Variants in ATP8B4 observed in about 807,000 individuals in gnomAD.
ATP8B4 encodes the protein probable phospholipid-transporting ATPase IM.
Under a neutral mutation model 145.6 loss-of-function variants are expected in ATP8B4, and 133 were observed. The ratio of observed to expected loss-of-function variants is 0.91; its 90% confidence interval spans 0.79 to 1.05. ATP8B4 has a LOEUF of 1.05. Among genes scored for constraint, ATP8B4 ranks in the 50% least tolerant of loss-of-function variants. The probability of loss-of-function intolerance (pLI) is 0.00; values close to 1 mark genes in which losing one functional copy is unlikely to be tolerated. For synonymous variants in ATP8B4, 507 were observed against 492.9 expected (o/e 1.03, Z -0.38); for missense variants, 1,458 against 1,425.2 (o/e 1.02, Z -0.37).
At chr15:49,996,282 G>A (rs1246228089) in intron 9 of ATP8B4, among the ~76,000 whole-genome samples, 1 of 152,072 alleles carries the variant, frequency 6.6e-6, no homozygotes, top group African/African-American at 2.4e-5. Flanking sequence ...GAAGTTTGAG[G>A]TCTCCTAGTT....
At chr15:50,109,699 T>C (rs1475321344) in intron 1 of ATP8B4, among the ~76,000 whole-genome samples, 1 of 151,964 alleles carries the variant, frequency 6.6e-6, no homozygotes. Flanking sequence ...AGAAGACATT[T>C]ATCTCTCAGA....
chr15:49,871,012 C>CT (rs1449119447), intron 25 of ATP8B4, among the ~76,000 whole-genome samples: 7 of 152,236 alleles, frequency 4.6e-5, no homozygotes, highest in Non-Finnish European at 8.8e-5. Context: ...CCTGTACTTA[C>CT]TATGTGACTG....
chr15:49,927,366 C>A (rs2040820919), intron 16 of ATP8B4, among the ~76,000 whole-genome samples: 1 of 152,008 alleles, frequency 6.6e-6, no homozygotes, highest in Non-Finnish European at 1.5e-5. Context: ...GAAGCAATGC[C>A]TGAGCCTTTG....
At chr15:50,079,863 T>C (rs1187466966) in intron 2 of ATP8B4, among the ~76,000 whole-genome samples, 1 of 152,218 alleles carries the variant, frequency 6.6e-6, no homozygotes, top group African/African-American at 2.4e-5. Flanking sequence ...TCCTGGAACA[T>C]ACCTGGAATG....
chr15:49,920,283 A>G lies in ATP8B4; in HGVS notation c.1886T>C (p.Ile629Thr). The G allele has an allele frequency of 1.9e-6, 3 of 1,614,222 alleles. No individual in the cohort carries two copies. The highest frequency in any genetic ancestry group is 8.5e-7 in the Non-Finnish European group (1 of 1,180,034). The part of the protein sequence containing the change: ...NAATEERDER[I>T]AGLYEEIERD... Reference sequence around the variant, plus strand: ...TTCAATTTCTTCATATAGCCCAGCTATTCGTTCATCCCTCTCTTCTGTGGC... The same window carrying G: ...TTCAATTTCTTCATATAGCCCAGCTGTTCGTTCATCCCTCTCTTCTGTGGC... Residue 629 changes from isoleucine to threonine, a missense_variant, in exon 18 of 28, where the codon ATA (isoleucine) becomes ACA (threonine). By Grantham distance (89) the Ile-to-Thr change is moderately conservative. Coordinates refer to ENST00000284509, the MANE Select transcript of ATP8B4 (RefSeq NM_024837.4).
At chr15:50,004,028 T>C (rs2048116080) in intron 7 of ATP8B4, among the ~76,000 whole-genome samples, 1 of 152,166 alleles carries the variant, frequency 6.6e-6, no homozygotes, top group Admixed American at 6.5e-5. Flanking sequence ...GACGCCTACC[T>C]TCCCCACCTC....
chr15:49,885,510 A>T (rs1358025630), intron 23 of ATP8B4, among the ~76,000 whole-genome samples: 1 of 152,188 alleles, frequency 6.6e-6, no homozygotes, highest in African/African-American at 2.4e-5. Flanking sequence ...ATTGGTAGAT[A>T]CTCTACAAAT....
chr15:49,985,039 T>A (rs1356765458), intron 10 of ATP8B4, among the ~76,000 whole-genome samples: 1 of 152,182 alleles, frequency 6.6e-6, no homozygotes, highest in Admixed American at 6.5e-5. Flanking sequence ...ATTGCACAAT[T>A]CCTAGTGGTA....
rs114910190 is a variant in ATP8B4 at position 49,992,581 on chromosome 15, G to A, written c.589+4096C>T. On this transcript the variant is annotated intron_variant, in intron 9 of 27. Transcript: ENST00000284509. ...ACCCATCTCAGTTCTGACCCTATGT[G>A]TCCGAAACCTGGAGTCCCCAGTGGG... is the stretch of plus-strand genomic sequence containing the variant. Among the ~76,000 whole-genome samples the A allele has an allele frequency of 4.4e-3, 663 of 152,278 alleles. 9 individuals carry two copies. Among genetic ancestry groups the A allele is most frequent in the African/African-American group, 0.015 (621 of 41,572 alleles).
intron 14 of ATP8B4, among the ~76,000 whole-genome samples, chr15:49,937,408 G>A (rs1010929075): frequency 2.6e-5 from 4 of 152,090 alleles, no homozygotes; most frequent in Non-Finnish European, 5.9e-5. Context: ...TTTTTGCAGG[G>A]AGGAATTCAA....
chr15:50,136,700 G>C (rs1360620709), intron 1 of ATP8B4, among the ~76,000 whole-genome samples: 1 of 152,174 alleles, frequency 6.6e-6, no homozygotes, highest in African/African-American at 2.4e-5. Context: ...TGTGTCTTAA[G>C]AGGCCACACT....
At chr15:50,060,689 T>C (rs542589422) in intron 3 of ATP8B4, among the ~76,000 whole-genome samples, 150 of 152,266 alleles carry the variant, frequency 9.9e-4, no homozygotes, top group African/African-American at 3.6e-3. Flanking sequence ...CACTACTAAC[T>C]AAAATAAGAG....
chr15:50,061,794 C>T (rs868566739), intron 3 of ATP8B4, among the ~76,000 whole-genome samples: 26 of 152,130 alleles, frequency 1.7e-4, no homozygotes, highest in African/African-American at 5.8e-4. Context: ...GTCATTTTTA[C>T]ACTACATAAA....
intron 2 of ATP8B4, among the ~76,000 whole-genome samples, chr15:50,085,928 CATAT>C (rs1335833204): frequency 0.013 from 660 of 50,198 alleles, 19 homozygotes; most frequent in Non-Finnish European, 0.02. Context: ...TGATATATAT[CATAT>C]ATATTTATAT....
chr15:50,157,209 T>C (rs2044432810), intron 1 of ATP8B4, among the ~76,000 whole-genome samples: 1 of 152,176 alleles, frequency 6.6e-6, no homozygotes, highest in African/African-American at 2.4e-5. Flanking sequence ...ATAGAAAGTT[T>C]TTTTTACCAT....
intron 1 of ATP8B4, among the ~76,000 whole-genome samples, chr15:50,137,878 T>G (rs2044144631): frequency 6.6e-6 from 1 of 152,208 alleles, no homozygotes; most frequent in South Asian, 2.1e-4. Flanking sequence ...ACTTTAAGGA[T>G]GTTTTCACTG....
intron 24 of ATP8B4, among the ~76,000 whole-genome samples, chr15:49,878,800 T>A (rs1448083621): frequency 6.6e-6 from 1 of 152,226 alleles, no homozygotes; most frequent in Admixed American, 6.5e-5. Context: ...ACTGGCAGAC[T>A]GCTCTACTGG....
intron 6 of ATP8B4, among the ~76,000 whole-genome samples, chr15:50,036,647 G>A (rs566178887): frequency 1.4e-4 from 22 of 152,290 alleles, no homozygotes; most frequent in African/African-American, 4.3e-4. Flanking sequence ...GGACAAGCCC[G>A]TCTTGTAGGT....
chr15:50,133,991 TA>T (rs2044086489), intron 1 of ATP8B4, among the ~76,000 whole-genome samples: 1 of 151,928 alleles, frequency 6.6e-6, no homozygotes. Context: ...AAATTTAAAA[TA>T]AAAAAATGGT....
Sources: allele counts gnomAD v4.1 joint callset (sites outside exome capture counted in the v4.1 genomes callset), GRCh38; gene constraint gnomAD v4.1.1; transcripts MANE v1.5; gene names NCBI Gene and HGNC (gene_info 2026-07-23, HGNC 2026-07-21).